USH2A: variants seen among roughly 807,000 people sequenced by gnomAD.
USH2A encodes the protein usherin.
USH2A carries 443 observed loss-of-function variants against 538.9 expected under a neutral mutation model. The ratio of observed to expected loss-of-function variants is 0.82; its 90% confidence interval spans 0.76 to 0.89. The LOEUF (loss-of-function observed/expected upper bound fraction) is 0.89. USH2A is among the 40% of genes least tolerant of loss of function. The probability of loss-of-function intolerance (pLI) is 0.00; values close to 1 mark genes in which losing one functional copy is unlikely to be tolerated. For synonymous variants in USH2A, 2,413 were observed against 2,273.5 expected, an observed-to-expected ratio of 1.06 and a Z score of -1.75; for missense variants, 6,633 against 6,324.8, an observed-to-expected ratio of 1.05 and a Z score of -1.65.
At chr1:216,031,926 C>A (rs1305567172) in intron 32 of USH2A, among the ~76,000 whole-genome samples, 1 of 152,176 alleles carries the variant, frequency 6.6e-6, no homozygotes, top group Non-Finnish European at 1.5e-5. Context: ...GACTCTAAAG[C>A]CTGTGAACAT....
chr1:216,378,735 A>G (rs1157263211), intron 3 of USH2A, among the ~76,000 whole-genome samples: 1 of 152,060 alleles, frequency 6.6e-6, no homozygotes, highest in African/African-American at 2.4e-5. Context: ...ATGCACCCAA[A>G]CAAATAACAT....
intron 46 of USH2A, among the ~76,000 whole-genome samples, chr1:215,843,648 T>G (rs1663755987): frequency 6.6e-6 from 1 of 152,230 alleles, no homozygotes; most frequent in African/African-American, 2.4e-5. Flanking sequence ...CAAAAAATTT[T>G]AACCACAATT....
chr1:215,754,511 A>C (rs949390832), intron 58 of USH2A, among the ~76,000 whole-genome samples: 8 of 147,208 alleles, frequency 5.4e-5, no homozygotes, highest in East Asian at 4.0e-4. Flanking sequence ...ACTGACCACA[A>C]AAAAAAAAAT....
intron 49 of USH2A, 143 bp downstream of exon 49, chr1:215,813,593 T>C: frequency 3.2e-6 from 3 of 937,026 alleles, no homozygotes; most frequent in Non-Finnish European, 5.1e-6. Context: ...GAAGAAACAA[T>C]ATTTAGAGCA....
At chr1:215,973,656 C>CTTTTTTTTT (rs750306238) in intron 35 of USH2A, among the ~76,000 whole-genome samples, 43 of 130,952 alleles carry the variant, frequency 3.3e-4, no homozygotes, top group East Asian at 8.8e-4. Context: ...TCTTCTTCTT[C>CTTTTTTTTT]TTTTTTTTTT....
intron 11 of USH2A, among the ~76,000 whole-genome samples, chr1:216,263,835 G>C (rs963489065): frequency 7.2e-5 from 11 of 151,926 alleles, no homozygotes; most frequent in Non-Finnish European, 2.9e-5. Flanking sequence ...AACTAGTTCT[G>C]GTTTACAGAT....
chr1:215,630,048 T>A (rs1558029105), intron 70 of USH2A: 1 of 504,558 alleles, frequency 2.0e-6, no homozygotes, highest in African/African-American at 1.9e-5. Flanking sequence ...TCTTTTCTTT[T>A]TTCAGTAGAG....
At position 215,900,165 on chromosome 1, in the gene USH2A, G is replaced by C; in HGVS notation, c.7504C>G (p.Pro2502Ala). ...AACCGAAACATATACTCTGTGTACG[G>C]TTGGAGATCACTCACTTCATAGCTT... Reference protein sequence around the residue: ...SLSYEVSDLQPYTEYMFRLVA... With the variant: ...SLSYEVSDLQAYTEYMFRLVA... Residue 2502 changes from proline (P) to alanine (A), a missense_variant, in exon 40 of 72, where the codon CCG becomes GCG. Physicochemically the swap from Pro to Ala is conservative, Grantham distance 27. Coordinates refer to ENST00000307340, the MANE Select transcript of USH2A (RefSeq NM_206933.4). 6.2e-7 allele frequency: 1 copy of C among 1,613,742 alleles called. No individual in the cohort carries two copies. The highest frequency in any genetic ancestry group is 8.5e-7 in the Non-Finnish European group (1 of 1,179,782).
At chr1:216,171,302 G>A (rs2034271987) in intron 21 of USH2A, among the ~76,000 whole-genome samples, 2 of 151,892 alleles carry the variant, frequency 1.3e-5, no homozygotes, top group African/African-American at 2.4e-5. Context: ...CATTGATCAT[G>A]CAACAAAATC....
rs570361617 is a variant in USH2A at position 216,054,151 on chromosome 1, G to T, written c.6050-5504C>A. 7.4e-4 allele frequency among the ~76,000 whole-genome samples: 113 copies of T among 152,258 alleles called. 1 individual carries two copies. Among genetic ancestry groups the T allele is most frequent in the African/African-American group, 2.6e-3 (106 of 41,548 alleles). Reference sequence around the variant, plus strand: ...GGTTTACCAAAAGTTAGCACTTGACGGGTGACTGAAAATTAAGATTTTGCA... The same window carrying T: ...GGTTTACCAAAAGTTAGCACTTGACTGGTGACTGAAAATTAAGATTTTGCA... On this transcript the variant is annotated intron_variant, in intron 30 of 71. Coordinates refer to ENST00000307340, the MANE Select transcript of USH2A (RefSeq NM_206933.4).
chr1:215,694,304 T>C (rs1041486805), intron 61 of USH2A, among the ~76,000 whole-genome samples: 1 of 152,224 alleles, frequency 6.6e-6, no homozygotes, highest in Non-Finnish European at 1.5e-5. Flanking sequence ...CCAGGCGTGG[T>C]GGCTCACACC....
At chr1:216,407,000 C>T (rs1256850074) in intron 3 of USH2A, among the ~76,000 whole-genome samples, 1 of 152,168 alleles carries the variant, frequency 6.6e-6, no homozygotes, top group East Asian at 1.9e-4. Context: ...GGTTCCTTGG[C>T]TTTCCATCAA....
rs1572053334 is a variant in USH2A, at chr1:216,209,728, A to C, written c.3158-2297T>G. Among the ~76,000 whole-genome samples, 3 of 152,284 alleles carry C rather than the reference A, an allele frequency of 2.0e-5. No individual in the cohort carries two copies. The South Asian group carries it at 6.2e-4, about 32-fold the overall frequency. The stretch of plus-strand genomic sequence containing the variant: ...CTATTTCCTTGGTGACTAACACAAT[A>C]AGCCTATCTTTTGTTGAAGTATTGG... On this transcript the variant is annotated intron_variant, in intron 15 of 71. Coordinates refer to ENST00000307340, the MANE Select transcript of USH2A (RefSeq NM_206933.4).
Position 216,097,226 on chromosome 1 carries a change from G to A in USH2A, c.4628-13C>T. 2 of 1,614,074 alleles carry A rather than the reference G, an allele frequency of 1.2e-6. No homozygotes were observed. Among genetic ancestry groups the A allele is most frequent in the South Asian group, 2.2e-5 (2 of 91,082 alleles). On this transcript the variant is annotated splice_polypyrimidine_tract_variant and intron_variant, in intron 21 of 71. Coordinates refer to ENST00000307340, the MANE Select transcript of USH2A (RefSeq NM_206933.4). Reference sequence around the variant, plus strand: ...CTGGCCTTAATGCCTGGTAAGACAAGTGTGATCAGCAAATCAGTGCTGGGG... The same window carrying A: ...CTGGCCTTAATGCCTGGTAAGACAAATGTGATCAGCAAATCAGTGCTGGGG...
At chr1:216,151,054 C>A (rs893720857) in intron 21 of USH2A, among the ~76,000 whole-genome samples, 1 of 152,146 alleles carries the variant, frequency 6.6e-6, no homozygotes, top group East Asian at 1.9e-4. Context: ...TCCTCCCAGG[C>A]CCTCTTCTTG....
At chr1:216,041,999 A>G (rs960456865) in intron 32 of USH2A, among the ~76,000 whole-genome samples, 3 of 152,020 alleles carry the variant, frequency 2.0e-5, no homozygotes, top group Non-Finnish European at 4.4e-5. Flanking sequence ...ATAAAGATTT[A>G]TGTATAAGAA....
chr1:215,999,111 T>C, intron 33 of USH2A, 53 bp from the exon 34 acceptor site: 2 of 1,469,860 alleles, frequency 1.4e-6, no homozygotes, highest in Non-Finnish European at 1.9e-6. Flanking sequence ...AACTAAAATA[T>C]ACAGGATTTT....
intron 50 of USH2A, among the ~76,000 whole-genome samples, chr1:215,794,084 T>C (rs879408736): frequency 6.6e-6 from 1 of 152,104 alleles, no homozygotes; most frequent in Non-Finnish European, 1.5e-5. Flanking sequence ...CACGCATGAC[T>C]TTCATCCCGA....
At chr1:216,354,033 G>A (rs905405854) in intron 4 of USH2A, among the ~76,000 whole-genome samples, 7 of 152,010 alleles carry the variant, frequency 4.6e-5, no homozygotes, top group Non-Finnish European at 1.0e-4. Flanking sequence ...CCATACAGAG[G>A]CCAGAATGAC....
Sources: allele counts gnomAD v4.1 joint callset (sites outside exome capture counted in the v4.1 genomes callset), GRCh38; gene constraint gnomAD v4.1.1; transcripts MANE v1.5; gene names NCBI Gene and HGNC (gene_info 2026-07-23, HGNC 2026-07-21).